The following CORIN variants were observed in gnomAD, a reference collection of about 807,000 sequenced individuals.
CORIN encodes the protein corin, serine peptidase, also known as atrial natriuretic peptide-converting enzyme.
In CORIN, 117 loss-of-function variants were observed where a neutral mutation model predicts 125.3. That is an observed-to-expected ratio of 0.93 (90% CI 0.80 to 1.09). The LOEUF (loss-of-function observed/expected upper bound fraction) is 1.09, where lower values mean the gene tolerates loss of function less well. Ranked by LOEUF, CORIN falls within the 50% of genes least tolerant of loss-of-function variation. CORIN has a pLI of 0.00. For synonymous variants in CORIN, 450 were observed against 466.4 expected, an observed-to-expected ratio of 0.96 and a Z score of 0.45; for missense variants, 1,253 against 1,306.7, an observed-to-expected ratio of 0.96 and a Z score of 0.63.
intron 19 of CORIN, among the ~76,000 whole-genome samples, chr4:47,612,820 T>C (rs536427213): frequency 3.9e-4 from 59 of 152,332 alleles, no homozygotes; most frequent in African/African-American, 1.3e-3. Flanking sequence ...AGGTGACAGA[T>C]AGCAGGAAGA....
At chr4:47,638,388 G>A (rs757237508) in intron 16 of CORIN, among the ~76,000 whole-genome samples, 36 of 152,126 alleles carry the variant, frequency 2.4e-4, no homozygotes, top group Non-Finnish European at 4.4e-4. Context: ...AGGGGCCAGG[G>A]GCAGAATGAT....
intron 20 of CORIN, among the ~76,000 whole-genome samples, chr4:47,601,154 G>T (rs1278463872): frequency 6.6e-6 from 1 of 152,128 alleles, no homozygotes; most frequent in African/African-American, 2.4e-5. Context: ...GTTGTCAAAA[G>T]AATAAGAACA....
rs192295146 is a variant in CORIN, at chr4:47,611,912, T to C, written c.2541-8244A>G. 2.1e-3 allele frequency among the ~76,000 whole-genome samples: 314 copies of C among 152,334 alleles called. 3 individuals are homozygous for C. Among genetic ancestry groups the C allele is most frequent in the Middle Eastern group, 6.8e-3 (2 of 294 alleles). On this transcript the variant is annotated intron_variant, in intron 19 of 21. Coordinates refer to ENST00000273857, the MANE Select transcript of CORIN (RefSeq NM_006587.4). The stretch of plus-strand genomic sequence containing the variant: ...CAGCATTGCATCCTAGGGATGAAGC[T>C]GACTTGATCGTGGTAGAAAAGCTTT...
At chr4:47,685,765 T>C (rs1405176857) in intron 6 of CORIN, among the ~76,000 whole-genome samples, 2 of 151,980 alleles carry the variant, frequency 1.3e-5, no homozygotes, top group East Asian at 1.9e-4. Context: ...GTAAATTAAG[T>C]GCAAAACAGT....
At chr4:47,706,893 T>C in intron 5 of CORIN, 1 of 1,599,368 alleles carries the variant, frequency 6.3e-7, no homozygotes, top group Non-Finnish European at 8.5e-7. Context: ...AGCCGTGGCC[T>C]TGGAAAGGGC....
At chr4:47,669,893 G>A (rs985573822) in intron 10 of CORIN, among the ~76,000 whole-genome samples, 1 of 152,146 alleles carries the variant, frequency 6.6e-6, no homozygotes, top group African/African-American at 2.4e-5. Flanking sequence ...TTACCTAAGT[G>A]TGTACCACCC....
chr4:47,702,315 A>T (rs1185461388), intron 5 of CORIN, among the ~76,000 whole-genome samples: 2 of 152,198 alleles, frequency 1.3e-5, no homozygotes, highest in African/African-American at 4.8e-5. Flanking sequence ...ATTGCATATA[A>T]ATCTAAGAAA....
rs1731154470 is a variant in CORIN at position 47,793,245 on chromosome 4, T to A, written c.209-6320A>T. The stretch of plus-strand genomic sequence containing the variant: ...CAAGTGGAACTGTCTGTCCCATGCA[T>A]CTATACATCAATCCCCGAGCAGAAC... On this transcript the variant is annotated intron_variant, in intron 2 of 21. Coordinates refer to ENST00000273857, the MANE Select transcript of CORIN (RefSeq NM_006587.4). 2.6e-5 allele frequency among the ~76,000 whole-genome samples: 4 copies of A among 152,120 alleles called. No homozygotes were observed. In the South Asian group the frequency reaches 8.3e-4, roughly 32 times the overall value.
intron 10 of CORIN, among the ~76,000 whole-genome samples, chr4:47,670,967 A>T (rs969329005): frequency 1.3e-5 from 2 of 152,220 alleles, no homozygotes; most frequent in Non-Finnish European, 2.9e-5. Context: ...TAGGCTTTTT[A>T]AAAAAGCTGT....
chr4:47,710,713 C>T (rs950204413), intron 5 of CORIN, among the ~76,000 whole-genome samples: 5 of 152,246 alleles, frequency 3.3e-5, no homozygotes, highest in African/African-American at 9.6e-5. Flanking sequence ...TAATTACCAG[C>T]TGAAGACTCC....
intron 13 of CORIN, among the ~76,000 whole-genome samples, chr4:47,652,442 G>A (rs180813087): frequency 8.5e-5 from 13 of 152,274 alleles, no homozygotes; most frequent in African/African-American, 2.2e-4. Flanking sequence ...ACTGCCTTAC[G>A]TGCTTGTCAT....
chr4:47,789,217 T>C (rs1246902010), intron 2 of CORIN, among the ~76,000 whole-genome samples: 2 of 152,120 alleles, frequency 1.3e-5, no homozygotes, highest in Non-Finnish European at 1.5e-5. Flanking sequence ...GGCAGGAGAA[T>C]TGTTTGAACC....
At chr4:47,794,603 C>T (rs1464211481) in intron 2 of CORIN, among the ~76,000 whole-genome samples, 1 of 151,986 alleles carries the variant, frequency 6.6e-6, no homozygotes, top group African/African-American at 2.4e-5. Flanking sequence ...ACCAAGTCTT[C>T]GACAGGCTGA....
At chr4:47,597,467 A>G (rs1721300412) in intron 21 of CORIN, among the ~76,000 whole-genome samples, 1 of 152,210 alleles carries the variant, frequency 6.6e-6, no homozygotes, top group South Asian at 2.1e-4. Context: ...CAAAATCATA[A>G]GCATAGAACT....
intron 3 of CORIN, among the ~76,000 whole-genome samples, chr4:47,783,474 G>A (rs1730641462): frequency 6.6e-6 from 1 of 152,016 alleles, no homozygotes; most frequent in Non-Finnish European, 1.5e-5. Flanking sequence ...GGCATGACAT[G>A]AAGAACCCCC....
At chr4:47,654,598 C>G (rs1723880391) in intron 12 of CORIN, among the ~76,000 whole-genome samples, 1 of 152,206 alleles carries the variant, frequency 6.6e-6, no homozygotes, top group Admixed American at 6.5e-5. Context: ...TCAGCCAGTG[C>G]CCATGCATGG....
At chr4:47,711,284 C>T (rs1418676572) in intron 5 of CORIN, among the ~76,000 whole-genome samples, 2 of 152,214 alleles carry the variant, frequency 1.3e-5, no homozygotes, top group Non-Finnish European at 2.9e-5. Context: ...TCAGAATGCA[C>T]TCCCCGCGTT....
chr4:47,605,941 T>C (rs554827286), intron 19 of CORIN, among the ~76,000 whole-genome samples: 1 of 152,290 alleles, frequency 6.6e-6, no homozygotes, highest in South Asian at 2.1e-4. Flanking sequence ...TGTTGGATAC[T>C]TGGGGCAGAC....
intron 19 of CORIN, among the ~76,000 whole-genome samples, chr4:47,619,487 G>T (rs1722215596): frequency 6.6e-6 from 1 of 152,134 alleles, no homozygotes; most frequent in Admixed American, 6.5e-5. Flanking sequence ...ATAGAATCAG[G>T]GTTATTAGCC....
Sources: allele counts gnomAD v4.1 joint callset (sites outside exome capture counted in the v4.1 genomes callset), GRCh38; gene constraint gnomAD v4.1.1; transcripts MANE v1.5; gene names NCBI Gene and HGNC (gene_info 2026-07-23, HGNC 2026-07-21).